FLNB: variants seen among roughly 807,000 people sequenced by gnomAD.
FLNB encodes the protein filamin-B.
A neutral mutation model predicts 250.6 loss-of-function variants in FLNB; 111 were observed. That is an observed-to-expected ratio of 0.44 (90% CI 0.38 to 0.52). FLNB has a LOEUF of 0.52. Among genes scored for constraint, FLNB ranks in the 20% least tolerant of loss-of-function variants. The probability of loss-of-function intolerance (pLI) is 0.00; values close to 1 mark genes in which losing one functional copy is unlikely to be tolerated. For missense variants in FLNB, 2,869 were observed against 3,447.8 expected (o/e 0.83, Z 4.20); for synonymous variants, 1,302 against 1,372.1 (o/e 0.95, Z 1.13).
chr3:58,133,544 C>A (rs545865595), intron 26 of FLNB, among the ~76,000 whole-genome samples: 296 of 119,414 alleles, frequency 2.5e-3, no homozygotes, highest in Admixed American at 3.8e-3. Flanking sequence ...TTTTGGTGAA[C>A]CTGCAAGTAG....
intron 2 of FLNB, 25 bp from the exon 3 acceptor site, chr3:58,078,692 A>G (rs774966976): frequency 6.2e-7 from 1 of 1,605,034 alleles, no homozygotes; most frequent in Admixed American, 1.7e-5. Flanking sequence ...TAATGCTAAA[A>G]GAATCTTTTG....
chr3:58,040,104 C>T (rs1007687212), intron 1 of FLNB, among the ~76,000 whole-genome samples: 11 of 152,194 alleles, frequency 7.2e-5, no homozygotes, highest in Admixed American at 3.9e-4. Flanking sequence ...GAGACTGTGC[C>T]GTTGTACTCT....
At chr3:58,105,835 T>C (rs1008137026) in intron 11 of FLNB, among the ~76,000 whole-genome samples, 7 of 152,224 alleles carry the variant, frequency 4.6e-5, no homozygotes, top group Admixed American at 4.6e-4. Flanking sequence ...CTTCAGACTG[T>C]CGTTTAGCAA....
chr3:58,042,992 C>G (rs1323564885), intron 1 of FLNB, among the ~76,000 whole-genome samples: 1 of 152,126 alleles, frequency 6.6e-6, no homozygotes, highest in South Asian at 2.1e-4. Flanking sequence ...CATTTGACAC[C>G]TATAACTTCT....
chr3:58,096,924 C>T (rs750605383), intron 6 of FLNB, among the ~76,000 whole-genome samples: 1 of 152,182 alleles, frequency 6.6e-6, no homozygotes, highest in Non-Finnish European at 1.5e-5. Context: ...AGGGAAATGG[C>T]CCTCTCAGCA....
At chr3:58,095,546 G>A (rs13316820) in intron 5 of FLNB, among the ~76,000 whole-genome samples, 64,750 of 151,986 alleles carry the variant, frequency 0.43, 15,328 homozygotes, top group East Asian at 0.92. Flanking sequence ...GTGAGCCACC[G>A]TGCCCAGCCT....
At chr3:58,063,197 C>G (rs1403737735) in intron 1 of FLNB, among the ~76,000 whole-genome samples, 1 of 152,208 alleles carries the variant, frequency 6.6e-6, no homozygotes. Flanking sequence ...CACTAACTGA[C>G]TTAATGCCCC....
intron 4 of FLNB, among the ~76,000 whole-genome samples, chr3:58,082,702 C>G (rs1006037929): frequency 6.6e-6 from 1 of 151,270 alleles, no homozygotes; most frequent in Non-Finnish European, 1.5e-5. Context: ...ACCCAGGAGG[C>G]AGAGGTTGCA....
At chr3:58,026,407 C>T (rs961237960) in intron 1 of FLNB, among the ~76,000 whole-genome samples, 1 of 152,134 alleles carries the variant, frequency 6.6e-6, no homozygotes, top group Non-Finnish European at 1.5e-5. Flanking sequence ...ATTTTTGCTG[C>T]CCTGGGTGTG....
chr3:58,124,433 G>A lies in FLNB; in HGVS notation c.3826G>A (p.Ala1276Thr), dbSNP rs199912711. The change falls in exon 22 of 46, where the codon GCC (alanine) becomes ACC (threonine). Residue 1276 changes from alanine to threonine, a missense_variant. Around this residue, in one of 5 missense-constraint regions of FLNB, gnomAD observed 1,348 missense variants for 1,466.7 expected, o/e 0.92. Coordinates refer to ENST00000295956, the MANE Select transcript of FLNB (RefSeq NM_001457.4). The part of the protein sequence containing the change: ...IKAHIANPSG[A>T]STECFVTDNA... ...GGCCCACATTGCCAACCCCTCAGGG[G>A]CCTCCACCGAGTGCTTTGTCACAGA... 9 of 1,614,112 alleles carry A rather than the reference G, an allele frequency of 5.6e-6. No individual in the cohort carries two copies. Among genetic ancestry groups the A allele is most frequent in the South Asian group, 1.1e-5 (1 of 91,088 alleles).
At chr3:58,064,631 A>G (rs1167792805) in intron 1 of FLNB, among the ~76,000 whole-genome samples, 1 of 152,068 alleles carries the variant, frequency 6.6e-6, no homozygotes, top group Non-Finnish European at 1.5e-5. Context: ...TGATTCCCTC[A>G]AGGAGTTACC....
intron 1 of FLNB, among the ~76,000 whole-genome samples, chr3:58,076,359 C>T (rs1316086028): frequency 6.6e-6 from 1 of 152,020 alleles, no homozygotes; most frequent in Non-Finnish European, 1.5e-5. Context: ...TGCACACACG[C>T]ATACACACAC....
intron 10 of FLNB, 105 bp downstream of exon 10, chr3:58,104,190 G>C (rs1292825561): frequency 9.9e-7 from 1 of 1,012,556 alleles, no homozygotes; most frequent in Non-Finnish European, 1.4e-6. Flanking sequence ...GATCTGCTTT[G>C]TTGAAAACTT....
rs1315446078 is a variant in FLNB at position 58,168,384 on chromosome 3, C to T, written c.7199-56C>T. The T allele has an allele frequency of 2.2e-6, 3 of 1,370,118 alleles. No homozygotes were observed. In the Admixed American group the frequency reaches 5.2e-5, roughly 24 times the overall value. 84.9% of individuals were successfully genotyped at this position (1,370,118 alleles called of 1,614,324 possible). The stretch of plus-strand genomic sequence containing the variant: ...TGTGTCCCTCACCACGGCCTCAGTG[C>T]TCCCAGGAAAGCCCTCCAAGTCATC... On this transcript the variant is annotated intron_variant, in intron 43 of 45. Transcript: ENST00000295956.
At chr3:58,114,707 G>GTTT (rs568292098) in intron 18 of FLNB, among the ~76,000 whole-genome samples, 93 of 138,658 alleles carry the variant, frequency 6.7e-4, no homozygotes, top group Admixed American at 9.2e-4. Flanking sequence ...TTTTTTTTCT[G>GTTT]TTTTTTTTTT....
intron 1 of FLNB, among the ~76,000 whole-genome samples, chr3:58,043,164 T>TTTTTA (rs2097148627): frequency 7.6e-6 from 1 of 131,572 alleles, no homozygotes; most frequent in Non-Finnish European, 1.6e-5. Context: ...TTTTTTTTTT[T>TTTTTA]GAGACAGAGT....
chr3:58,142,713 CT>C lies in FLNB; in HGVS notation c.5246del (p.Leu1749ArgfsTer68). 1 of 1,614,234 alleles carries C rather than the reference CT, an allele frequency of 6.2e-7. No individual in the cohort carries two copies. Among genetic ancestry groups the C allele is most frequent in the Non-Finnish European group, 8.5e-7 (1 of 1,180,038 alleles). ...CGGCCTGGGATTTAAGCCTTTTGAC[CT>C]GGTCATTCCGTTTGCTGTCAGGAAA... Reference protein sequence around the residue: ...MNGLGFKPFDLVIPFAVRKGE... With the variant: ...MNGLGFKPFDXVIPFAVRKGE... On this transcript the variant is annotated frameshift_variant, in exon 31 of 46. Coordinates refer to ENST00000295956, the MANE Select transcript of FLNB (RefSeq NM_001457.4). LOFTEE classifies it high-confidence loss of function. The surrounding 1 kb of genome is among the most constrained non-coding windows in gnomAD (Gnocchi z 4.3).
Position 58,149,882 on chromosome 3 carries a change from C to T in FLNB, c.6124C>T (p.Pro2042Ser), listed in dbSNP as rs139346854. 1.2e-6 allele frequency: 2 copies of T among 1,614,196 alleles called. No individual in the cohort carries two copies. Among genetic ancestry groups the T allele is most frequent in the African/African-American group, 2.7e-5 (2 of 75,044 alleles). The change falls in exon 37 of 46, where the codon CCC becomes TCC. Residue 2042 changes from proline (P) to serine (S), a missense_variant. Pro to Ser is a moderately conservative substitution (Grantham distance 74). Coordinates refer to ENST00000295956, the MANE Select transcript of FLNB (RefSeq NM_001457.4). ...YGGISLAVEG[P>S]SKVDIQTEDL... ...TGGCATATCCTTGGCGGTGGAAGGC[C>T]CCAGCAAAGTGGACATCCAGACGGA...
intron 3 of FLNB, among the ~76,000 whole-genome samples, chr3:58,079,632 C>T (rs1301902284): frequency 2.0e-5 from 3 of 152,208 alleles, no homozygotes; most frequent in African/African-American, 7.2e-5. Flanking sequence ...CACCCATAAT[C>T]CTATCACAGG....
Sources: gnomAD v4.1 joint callset for allele counts (sites outside exome capture counted in the v4.1 genomes callset) on GRCh38, gnomAD v4.1.1 for gene constraint, gnomAD v4.1.1 regional missense constraint, Gnocchi (gnomAD v3.1) non-coding constraint, MANE v1.5 for transcripts, NCBI Gene and HGNC (gene_info 2026-07-23, HGNC 2026-07-21) for gene names.